Variants in PITPNB observed in about 807,000 individuals in gnomAD.
The protein encoded by PITPNB is phosphatidylinositol transfer protein beta isoform.
PITPNB carries 16 observed loss-of-function variants against 45.9 expected under a neutral mutation model. The observed-to-expected ratio is 0.35, with a 90% CI of 0.24 to 0.53. The LOEUF is 0.53. Ranked by LOEUF, PITPNB falls within the 20% of genes least tolerant of loss-of-function variation. The pLI is 0.93. For synonymous variants in PITPNB, 112 were observed against 108.9 expected, an observed-to-expected ratio of 1.03 and a Z score of -0.18; for missense variants, 188 against 330.5, an observed-to-expected ratio of 0.57 and a Z score of 3.34.
intron 3 of PITPNB, among the ~76,000 whole-genome samples, chr22:27,902,893 A>C (rs943131354): frequency 6.6e-6 from 1 of 151,960 alleles, no homozygotes; most frequent in Non-Finnish European, 1.5e-5. Flanking sequence ...CTAATTTTTA[A>C]ATTTTTTTGT....
intron 7 of PITPNB, among the ~76,000 whole-genome samples, chr22:27,878,636 C>G (rs936064596): frequency 3.9e-5 from 6 of 152,172 alleles, no homozygotes; most frequent in East Asian, 1.9e-4. Context: ...AGGGGCTGGG[C>G]TGAAGTTTAT....
At chr22:27,884,219 T>TG (rs1392366089) in intron 7 of PITPNB, among the ~76,000 whole-genome samples, 4 of 151,836 alleles carry the variant, frequency 2.6e-5, no homozygotes, top group Admixed American at 6.6e-5. Context: ...CATTACCCCC[T>TG]GGGGGGGACA....
chr22:27,912,133 T>C (rs1935945521), intron 2 of PITPNB, among the ~76,000 whole-genome samples: 1 of 152,208 alleles, frequency 6.6e-6, no homozygotes. Flanking sequence ...CTCTAAGAAC[T>C]TGTAATTTCA....
intron 8 of PITPNB, among the ~76,000 whole-genome samples, chr22:27,865,035 T>C (rs1447178354): frequency 2.6e-5 from 4 of 152,170 alleles, no homozygotes. Context: ...GGTATCTATG[T>C]ATGGTACAAA....
intron 8 of PITPNB, among the ~76,000 whole-genome samples, chr22:27,870,935 G>A (rs952642887): frequency 1.3e-5 from 2 of 152,218 alleles, no homozygotes; most frequent in African/African-American, 4.8e-5. Context: ...GGCAGTAGCT[G>A]AATTTATAAG....
intron 1 of PITPNB, among the ~76,000 whole-genome samples, chr22:27,918,562 C>A (rs969196813): frequency 6.6e-6 from 1 of 152,352 alleles, no homozygotes. Flanking sequence ...GTCACCTCAT[C>A]TTAAAACATG....
chr22:27,880,919 T>A (rs1015914310), intron 7 of PITPNB, among the ~76,000 whole-genome samples: 1 of 152,140 alleles, frequency 6.6e-6, no homozygotes, highest in Admixed American at 6.6e-5. Flanking sequence ...CTGCACCCAG[T>A]TAATAAAATT....
intron 9 of PITPNB, among the ~76,000 whole-genome samples, chr22:27,858,735 G>A (rs1247820004): frequency 2.0e-5 from 3 of 151,956 alleles, no homozygotes; most frequent in African/African-American, 7.3e-5. Context: ...AATCTCCTAG[G>A]CAAAGGTGTC....
At chr22:27,863,135 C>T (rs1004123595) in intron 8 of PITPNB, among the ~76,000 whole-genome samples, 8 of 152,164 alleles carry the variant, frequency 5.3e-5, no homozygotes, top group Non-Finnish European at 8.8e-5. Flanking sequence ...TAGAATATGG[C>T]ACTTAATTGT....
chr22:27,881,086 A>G (rs1462380072), intron 7 of PITPNB, among the ~76,000 whole-genome samples: 2 of 152,256 alleles, frequency 1.3e-5, no homozygotes, highest in African/African-American at 4.8e-5. Context: ...AAGGCAGTGG[A>G]ATAATGTAGG....
intron 7 of PITPNB, among the ~76,000 whole-genome samples, chr22:27,893,582 CTTTTTTTTTTT>C (rs745878388): frequency 2.7e-5 from 2 of 74,050 alleles, no homozygotes; most frequent in South Asian, 1.1e-3. Flanking sequence ...CATGTCTAGC[CTTTTTTTTTTT>C]TTTTTTTTTT....
intron 8 of PITPNB, among the ~76,000 whole-genome samples, chr22:27,867,157 G>C (rs941803875): frequency 6.6e-6 from 1 of 152,160 alleles, no homozygotes; most frequent in African/African-American, 2.4e-5. Context: ...CCCCTACTAT[G>C]AGCAAACCTC....
At chr22:27,871,385 A>T (rs187707416) in intron 8 of PITPNB, among the ~76,000 whole-genome samples, 1 of 152,214 alleles carries the variant, frequency 6.6e-6, no homozygotes, top group Non-Finnish European at 1.5e-5. Flanking sequence ...AAGAAAATAC[A>T]ATATTTAATT....
At chr22:27,855,683 G>T (rs1414397837) in intron 10 of PITPNB, among the ~76,000 whole-genome samples, 1 of 152,228 alleles carries the variant, frequency 6.6e-6, no homozygotes, top group Non-Finnish European at 1.5e-5. Context: ...TCCTTCAGCT[G>T]CTGAGCCTCA....
At chr22:27,895,589 C>CA (rs945482523) in intron 6 of PITPNB, among the ~76,000 whole-genome samples, 1,440 of 124,464 alleles carry the variant, frequency 0.012, 8 homozygotes, top group African/African-American at 0.03. Flanking sequence ...GACTCTGTCT[C>CA]AAAAAAAAAA....
At chr22:27,876,110 G>A (rs1009810185) in intron 7 of PITPNB, among the ~76,000 whole-genome samples, 2 of 152,178 alleles carry the variant, frequency 1.3e-5, no homozygotes, top group African/African-American at 4.8e-5. Context: ...TGACGAGGAA[G>A]TGGTAGGGCT....
rs576430021 is a variant in PITPNB, at chr22:27,886,347, A to G, written c.456+8208T>C. Among the ~76,000 whole-genome samples, 3 of 152,358 alleles carry G rather than the reference A, an allele frequency of 2.0e-5. No individual in the cohort carries two copies. In the East Asian group the frequency reaches 5.8e-4, roughly 29 times the overall value. On this transcript the variant is annotated intron_variant, in intron 7 of 11. Transcript: ENST00000335272. Reference sequence around the variant, plus strand: ...TATACAGACTTCCCACAAGTCATCAACAAAAAGTCTTAATGACCCATATAT... The same window carrying G: ...TATACAGACTTCCCACAAGTCATCAGCAAAAAGTCTTAATGACCCATATAT...
intron 3 of PITPNB, among the ~76,000 whole-genome samples, chr22:27,902,028 C>T (rs1372891069): frequency 2.0e-5 from 3 of 152,048 alleles, no homozygotes; most frequent in African/African-American, 7.3e-5. Flanking sequence ...ACGACTCCTA[C>T]TCAGAACTTA....
Position 27,919,221 on chromosome 22 carries a change from G to C in PITPNB, c.-30C>G, listed in dbSNP as rs1463562369. On this transcript the variant is annotated 5_prime_UTR_variant, in exon 1 of 12. It adds an upstream start codon to the 5' untranslated region. Coordinates refer to ENST00000335272, the MANE Select transcript of PITPNB (RefSeq NM_012399.5). ...CCGGAACCCCCTCACAGCTGCCGCC[G>C]ATACCACCGCCGCCGCCGCCGCTAC... 1.3e-6 allele frequency: 2 copies of C among 1,592,176 alleles called. No homozygotes were observed. Among genetic ancestry groups the C allele is most frequent in the Admixed American group, 1.7e-5 (1 of 59,982 alleles).
Sources: gnomAD v4.1 joint callset for allele counts (sites outside exome capture counted in the v4.1 genomes callset) on GRCh38, gnomAD v4.1.1 for gene constraint, MANE v1.5 for transcripts, NCBI Gene and HGNC (gene_info 2026-07-23, HGNC 2026-07-21) for gene names.